Variants in CCDC148 observed in about 807,000 individuals in gnomAD.
CCDC148 encodes the protein coiled-coil domain containing 148, also known as coiled-coil domain-containing protein 148.
CCDC148 carries 89 observed loss-of-function variants against 85.7 expected under a neutral mutation model. The observed-to-expected ratio is 1.04, with a 90% CI of 0.87 to 1.24. The LOEUF (loss-of-function observed/expected upper bound fraction) is 1.24, where lower values mean the gene tolerates loss of function less well. Among genes scored for constraint, CCDC148 ranks in the 50% most tolerant of loss-of-function variants. The pLI is 0.00. For synonymous variants in CCDC148, 230 were observed against 213.9 expected (o/e 1.08, Z -0.66); for missense variants, 692 against 671.7 (o/e 1.03, Z -0.33).
At chr2:158,405,525 T>C (rs188753424) in intron 1 of CCDC148, among the ~76,000 whole-genome samples, 54 of 151,972 alleles carry the variant, frequency 3.6e-4, no homozygotes, top group African/African-American at 1.3e-3. Flanking sequence ...CAGCAATATC[T>C]TATTACCCAG....
At chr2:158,318,607 A>T (rs1692388018) in intron 7 of CCDC148, among the ~76,000 whole-genome samples, 1 of 148,670 alleles carries the variant, frequency 6.7e-6, no homozygotes, top group African/African-American at 2.6e-5. Context: ...AAGTTTACAT[A>T]GAAAGCTCAT....
At chr2:158,264,977 A>C (rs1196333179) in intron 9 of CCDC148, among the ~76,000 whole-genome samples, 1 of 152,140 alleles carries the variant, frequency 6.6e-6, no homozygotes, top group Non-Finnish European at 1.5e-5. Flanking sequence ...AAGCTCATTT[A>C]TACATTCCTC....
At chr2:158,312,402 T>G (rs1692065403) in intron 8 of CCDC148, among the ~76,000 whole-genome samples, 1 of 151,816 alleles carries the variant, frequency 6.6e-6, no homozygotes, top group African/African-American at 2.4e-5. Flanking sequence ...GCCAACACGG[T>G]GAAACCCCGA....
intron 9 of CCDC148, among the ~76,000 whole-genome samples, chr2:158,276,770 C>T (rs996289161): frequency 6.6e-6 from 1 of 152,154 alleles, no homozygotes; most frequent in Admixed American, 6.5e-5. Flanking sequence ...CCTTTATACA[C>T]AGATAATTAT....
intron 9 of CCDC148, among the ~76,000 whole-genome samples, chr2:158,297,407 T>C (rs1053825668): frequency 5.3e-5 from 8 of 152,170 alleles, no homozygotes; most frequent in African/African-American, 9.7e-5. Flanking sequence ...ATGTGACTGA[T>C]GGATGAGCTT....
At chr2:158,245,275 TG>T (rs1688524011) in intron 10 of CCDC148, among the ~76,000 whole-genome samples, 1 of 152,076 alleles carries the variant, frequency 6.6e-6, no homozygotes, top group Non-Finnish European at 1.5e-5. Context: ...CCTGAGGGGG[TG>T]GGGGAACACC....
intron 1 of CCDC148, among the ~76,000 whole-genome samples, chr2:158,384,971 A>G (rs1469435021): frequency 6.6e-6 from 1 of 152,126 alleles, no homozygotes; most frequent in Non-Finnish European, 1.5e-5. Context: ...GCTCATTCTT[A>G]TTGTCAGTCA....
chr2:158,377,444 G>A (rs1431745624), intron 1 of CCDC148, among the ~76,000 whole-genome samples: 1 of 152,000 alleles, frequency 6.6e-6, no homozygotes. Context: ...CTTGTTACTG[G>A]CAGTCAAAAA....
intron 1 of CCDC148, among the ~76,000 whole-genome samples, chr2:158,435,042 GA>G (rs1687572629): frequency 6.6e-6 from 1 of 152,152 alleles, no homozygotes; most frequent in African/African-American, 2.4e-5. Context: ...AACCAAGTTG[GA>G]AAACACTCTG....
chr2:158,264,282 C>G (rs1007656645), intron 9 of CCDC148, among the ~76,000 whole-genome samples: 2 of 152,120 alleles, frequency 1.3e-5, no homozygotes, highest in Middle Eastern at 3.4e-3. Flanking sequence ...GAATCAACAA[C>G]TGATAATTTA....
At chr2:158,240,961 C>A (rs1384419882) in intron 10 of CCDC148, among the ~76,000 whole-genome samples, 1 of 152,128 alleles carries the variant, frequency 6.6e-6, no homozygotes, top group Non-Finnish European at 1.5e-5. Context: ...AGTATTCACA[C>A]TAGGAAGCAG....
intron 9 of CCDC148, among the ~76,000 whole-genome samples, chr2:158,267,519 T>C (rs570936026): frequency 4.5e-4 from 69 of 152,328 alleles, no homozygotes; most frequent in African/African-American, 1.6e-3. Flanking sequence ...CAAGGACTGT[T>C]GTTATTCAGT....
chr2:158,428,407 G>A (rs967209403), intron 1 of CCDC148, among the ~76,000 whole-genome samples: 6 of 152,036 alleles, frequency 3.9e-5, no homozygotes, highest in Non-Finnish European at 7.4e-5. Flanking sequence ...GGAATAATTC[G>A]TTGAAATATG....
At chr2:158,455,979 CTTT>C (rs2105355216) in intron 1 of CCDC148, among the ~76,000 whole-genome samples, 1 of 152,318 alleles carries the variant, frequency 6.6e-6, no homozygotes, top group East Asian at 1.9e-4. Flanking sequence ...TTCCCTTACT[CTTT>C]TGTGAAATCA....
intron 1 of CCDC148, among the ~76,000 whole-genome samples, chr2:158,432,039 TTG>T (rs1302382258): frequency 1.3e-4 from 20 of 152,174 alleles, no homozygotes; most frequent in African/African-American, 1.9e-4. Flanking sequence ...TGAAAATATC[TTG>T]TGTTAAGGGT....
At chr2:158,249,547 T>C (rs1688704446) in intron 10 of CCDC148, among the ~76,000 whole-genome samples, 1 of 152,182 alleles carries the variant, frequency 6.6e-6, no homozygotes, top group Non-Finnish European at 1.5e-5. Context: ...AAATAAGCAC[T>C]GTGAAGTATA....
chr2:158,349,591 C>A (rs184218332), intron 2 of CCDC148, among the ~76,000 whole-genome samples: 11 of 151,948 alleles, frequency 7.2e-5, no homozygotes, highest in Non-Finnish European at 1.2e-4. Context: ...TCCACTTAAG[C>A]CATGAGTCTT....
At chr2:158,233,285 T>A (rs1687942144) in intron 10 of CCDC148, among the ~76,000 whole-genome samples, 1 of 152,038 alleles carries the variant, frequency 6.6e-6, no homozygotes, top group Non-Finnish European at 1.5e-5. Flanking sequence ...AAAAGCATTC[T>A]TTTTTTACTA....
chr2:158,383,360 C>T (rs114062510), intron 1 of CCDC148, among the ~76,000 whole-genome samples: 3,895 of 151,398 alleles, frequency 0.026, 169 homozygotes, highest in African/African-American at 0.09. Context: ...ATATAGCTTA[C>T]ATATAATATT....
Sources: allele counts gnomAD v4.1 joint callset (sites outside exome capture counted in the v4.1 genomes callset), GRCh38; gene constraint gnomAD v4.1.1; transcripts MANE v1.5; gene names NCBI Gene and HGNC (gene_info 2026-07-23, HGNC 2026-07-21).